Variants in TOP1MT observed in about 807,000 individuals in gnomAD.
TOP1MT encodes the protein DNA topoisomerase I mitochondrial, also known as DNA topoisomerase I, mitochondrial.
A neutral mutation model predicts 73.9 loss-of-function variants in TOP1MT; 80 were observed. The observed-to-expected ratio is 1.08, with a 90% CI of 0.90 to 1.30. The LOEUF (loss-of-function observed/expected upper bound fraction) is 1.30. Ranked by LOEUF, TOP1MT falls within the 50% of genes most tolerant of loss-of-function variation. The pLI, the probability that TOP1MT is intolerant of heterozygous loss-of-function variation, is 0.00. For synonymous variants in TOP1MT, 338 were observed against 326.4 expected (o/e 1.04, Z -0.38); for missense variants, 815 against 808.0 (o/e 1.01, Z -0.10).
In TOP1MT at chr8:143,326,298, C is replaced by A; in HGVS notation, c.407G>T (p.Cys136Phe). The A allele has an allele frequency of 6.2e-7, 1 of 1,614,068 alleles. No individual in the cohort carries two copies. The highest frequency in any genetic ancestry group is 8.5e-7 in the Non-Finnish European group (1 of 1,180,020). ...EREVIKSLDK[C>F]DFTEIHRYFV... ...GTATCTGTGGATCTCCGTGAAGTCA[C>A]ACTTGTCCAGGCTCTTGATGACTTC... Residue 136 changes from cysteine to phenylalanine, a missense_variant, in exon 4 of 14, where the codon TGT becomes TTT. Physicochemically the swap from Cys to Phe is radical, Grantham distance 205. This residue lies in a region of TOP1MT where 751 missense variants were observed against 725.4 expected (regional missense o/e 1.04). Coordinates refer to ENST00000329245, the MANE Select transcript of TOP1MT (RefSeq NM_052963.3).
chr8:143,358,992 T>G (rs1310116181), upstream of TOP1MT, among the ~76,000 whole-genome samples: 3 of 144,040 alleles, frequency 2.1e-5, no homozygotes, highest in East Asian at 5.8e-4. Context: ...AAGTAAAGCG[T>G]TTTTTTTGTT....
At chr8:143,335,678 C>G (rs575143631), upstream of TOP1MT, among the ~76,000 whole-genome samples, 2 of 152,250 alleles carry the variant, frequency 1.3e-5, no homozygotes, top group Non-Finnish European at 2.9e-5. Flanking sequence ...TGGTCTTCCC[C>G]GGTAAAACCC....
In TOP1MT at chr8:143,329,426, A is replaced by G. The variant is rs1816792252; in HGVS notation, c.284T>C (p.Phe95Ser). The G allele has an allele frequency of 1.2e-6, 2 of 1,610,674 alleles. No homozygotes were observed. The highest frequency in any genetic ancestry group is 1.7e-6 in the Non-Finnish European group (2 of 1,179,130). The change falls in exon 3 of 14, where the codon TTT becomes TCT. Residue 95 changes from phenylalanine to serine, a missense_variant. Phe to Ser is a radical substitution (Grantham distance 155). This residue lies in a region of TOP1MT where 751 missense variants were observed against 725.4 expected (regional missense o/e 1.04). Coordinates refer to ENST00000329245, the MANE Select transcript of TOP1MT (RefSeq NM_052963.3). ...TTCATGATCTAACATCCTCCCATAA[A>G]AAGTGGCGACCTCCTCCGCTGCCAC... ...LSVAAEEVATFYGRMLDHEYT... is the reference protein window; with the variant it reads ...LSVAAEEVATSYGRMLDHEYT...
At chr8:143,329,610 A>C (rs1328849820) in intron 2 of TOP1MT, 139 bp from the exon 3 acceptor site, 12 of 1,036,986 alleles carry the variant, frequency 1.2e-5, no homozygotes, top group African/African-American at 1.7e-5. Flanking sequence ...CTGTAAGTTC[A>C]GAAGCATGTT....
At chr8:143,332,269 C>T (rs13264140) in intron 1 of TOP1MT, among the ~76,000 whole-genome samples, 9,861 of 152,220 alleles carry the variant, frequency 0.065, 418 homozygotes, top group Non-Finnish European at 0.091. Context: ...AGAAGAGGAG[C>T]GAGATGGGGC....
intron 13 of TOP1MT, chr8:143,309,796 C>G: frequency 3.3e-6 from 5 of 1,533,584 alleles, no homozygotes; most frequent in Non-Finnish European, 4.4e-6. Flanking sequence ...CTCCCACTCC[C>G]TGTGGGCAGG....
At position 143,341,997 on chromosome 8, in the gene TOP1MT, GAC is replaced by G. The variant is rs1817096374; in HGVS notation, c.29+1221_29+1222del. ...TCTCGCTGTTATTATTATTATTAGA[GAC>G]AGAGTCTCGCTCTGTTATTATATTA... On this transcript the variant is annotated intron_variant, in intron 2 of 5. Transcript: ENST00000518007. This position sits in a 1 kb window ranked among gnomAD's most constrained non-coding sequence, Gnocchi z 4.1. Among the ~76,000 whole-genome samples the G allele has an allele frequency of 6.8e-6, 1 of 147,920 alleles. No homozygotes were observed. The highest frequency in any genetic ancestry group is 1.5e-5 in the Non-Finnish European group (1 of 67,636).
At chr8:143,326,716 G>A (rs977190224) in intron 3 of TOP1MT, among the ~76,000 whole-genome samples, 1 of 152,194 alleles carries the variant, frequency 6.6e-6, no homozygotes, top group Non-Finnish European at 1.5e-5. Flanking sequence ...CCGCACTAAG[G>A]GCAACTGCAG....
At position 143,350,729 on chromosome 8, in the gene TOP1MT, A is replaced by C. The variant is rs112822477; in HGVS notation, c.-39+5236T>G. The stretch of plus-strand genomic sequence containing the variant: ...CATCATTTAAAAAATCTTTCTGTAA[A>C]TCAGAATTGAAACAAAGTCCAATGC... On this transcript the variant is annotated intron_variant, in intron 1 of 5. Coordinates refer to the TOP1MT transcript ENST00000518760. Among the ~76,000 whole-genome samples, 305 of 152,374 alleles carry C rather than the reference A, an allele frequency of 2.0e-3. 1 individual carries two copies. Among genetic ancestry groups the C allele is most frequent in the African/African-American group, 7.0e-3 (293 of 41,588 alleles).
chr8:143,318,697 A>G (rs2129977868), intron 8 of TOP1MT, among the ~76,000 whole-genome samples: 1 of 152,102 alleles, frequency 6.6e-6, no homozygotes, highest in Non-Finnish European at 1.5e-5. Flanking sequence ...TCTCTCCAGC[A>G]CCAGCATGGC....
chr8:143,337,989 G>T (rs1817011621), upstream of TOP1MT, among the ~76,000 whole-genome samples: 1 of 152,108 alleles, frequency 6.6e-6, no homozygotes, highest in Non-Finnish European at 1.5e-5. Flanking sequence ...CCTTTCACAT[G>T]GACCCCTTAG....
At chr8:143,315,110 CT>C (rs1816119782) in intron 12 of TOP1MT, among the ~76,000 whole-genome samples, 1 of 152,012 alleles carries the variant, frequency 6.6e-6, no homozygotes, top group African/African-American at 2.4e-5. Context: ...GGGAGTCTCC[CT>C]TTCCCCAGGG....
chr8:143,334,857 C>A lies in TOP1MT; in HGVS notation c.5G>T (p.Arg2Leu). Residue 2 changes from arginine (R) to leucine (L), a missense_variant, in exon 1 of 14, where the codon CGC (arginine) becomes CTC (leucine). Around this residue, in one of 3 missense-constraint regions of TOP1MT, gnomAD observed 60 missense variants for 65.9 expected, o/e 0.91. Transcript: ENST00000329245. ...CCGGAGCCGCAGCAGCCGCACCACG[C>A]GCATCTGCCAGCCTCCGGGAAAGAG... M[R>L]VVRLLRLRAA... 1 of 1,474,996 alleles carries A rather than the reference C, an allele frequency of 6.8e-7. No individual in the cohort carries two copies. The allele number at this position is 1,474,996 out of a possible 1,614,324, so 91.4% of individuals were successfully genotyped here. A position where few individuals can be genotyped will look rare whatever the true frequency, so the allele number is the denominator to read the frequency against.
chr8:143,336,320 G>A (rs982575214), upstream of TOP1MT, among the ~76,000 whole-genome samples: 1 of 152,076 alleles, frequency 6.6e-6, no homozygotes, highest in Non-Finnish European at 1.5e-5. Context: ...GAGGGAGTGT[G>A]GCAGGACAAA....
intron 7 of TOP1MT, among the ~76,000 whole-genome samples, chr8:143,323,241 A>ACACACACAGGCACGC (rs1816577429): frequency 1.1e-5 from 1 of 89,280 alleles, no homozygotes; most frequent in African/African-American, 4.5e-5. Context: ...CAGGCACGCC[A>ACACACACAGGCACGC]CACACACAGG....
At chr8:143,310,249 G>A (rs375029080) in intron 12 of TOP1MT, 32 bp from the exon 13 acceptor site, 28 of 1,465,642 alleles carry the variant, frequency 1.9e-5, no homozygotes, top group African/African-American at 1.8e-4. Flanking sequence ...GCGAGGCCCC[G>A]CGCTGGACTA....
intron 1 of TOP1MT, 107 bp downstream of exon 1, chr8:143,334,633 A>AC (rs1438695652): frequency 1.3e-6 from 2 of 1,487,190 alleles, no homozygotes; most frequent in African/African-American, 3.0e-5. Context: ...TTTTGGGAAA[A>AC]CCGGAAGCAG....
In TOP1MT at chr8:143,317,705, G is replaced by T. The variant is rs1430181049; in HGVS notation, c.1330+18C>A. 1.2e-6 allele frequency: 2 copies of T among 1,606,904 alleles called. No individual in the cohort carries two copies. Among genetic ancestry groups the T allele is most frequent in the Admixed American group, 1.7e-5 (1 of 59,966 alleles). ...CCGTGCTCCCCCCGCGCTGAGTGTG[G>T]GTGTGGGGCAGGCTCACCGCGCGTC... is the stretch of plus-strand genomic sequence containing the variant. On this transcript the variant is annotated intron_variant, in intron 10 of 13. Transcript: ENST00000329245.
rs758241271 is a variant in TOP1MT, at chr8:143,316,115, T to A, written c.1342A>T (p.Ile448Leu). Residue 448 changes from isoleucine (I) to leucine (L), a missense_variant, in exon 11 of 14, where the codon ATA (isoleucine) becomes TTA (leucine). Ile to Leu is a conservative substitution (Grantham distance 5, BLOSUM62 2). This residue lies in a region of TOP1MT where 751 missense variants were observed against 725.4 expected (regional missense o/e 1.04). Transcript: ENST00000329245. ...LRALTRAEDS[I>L]AAKILSYNRA... The stretch of plus-strand genomic sequence containing the variant: ...TTGTAGGATAAGATCTTAGCTGCTA[T>A]GCTGTCCTCGGCTGAGAGGCACGGG... 2 of 1,614,020 alleles carry A rather than the reference T, an allele frequency of 1.2e-6. No individual in the cohort carries two copies. Among genetic ancestry groups the A allele is most frequent in the Non-Finnish European group, 1.7e-6 (2 of 1,179,986 alleles).
Sources: allele counts gnomAD v4.1 joint callset (sites outside exome capture counted in the v4.1 genomes callset), GRCh38; gene constraint gnomAD v4.1.1; regional missense constraint gnomAD v4.1.1; non-coding constraint Gnocchi (gnomAD v3.1); transcripts MANE v1.5; gene names NCBI Gene and HGNC (gene_info 2026-07-23, HGNC 2026-07-21).